The following MSL2 variants were observed in gnomAD, a reference collection of about 807,000 sequenced individuals.
MSL2 encodes MSL complex subunit 2.
In MSL2, 2 loss-of-function variants were observed where a neutral mutation model predicts 35.8. That is an observed-to-expected ratio of 0.06 (90% CI 0.02 to 0.18). The LOEUF is 0.18. Ranked by LOEUF, MSL2 falls within the 10% of genes least tolerant of loss-of-function variation. The pLI is 1.00. For synonymous variants in MSL2, 296 were observed against 255.7 expected, an observed-to-expected ratio of 1.16 and a Z score of -1.50; for missense variants, 523 against 706.7, an observed-to-expected ratio of 0.74 and a Z score of 2.95.
At position 136,175,290 on chromosome 3, in the gene MSL2, G is replaced by A. The variant is rs886503808; in HGVS notation, c.142+19682C>T. Among the ~76,000 whole-genome samples, 4 of 151,342 alleles carry A rather than the reference G, an allele frequency of 2.6e-5. 1 individual carries two copies. In the South Asian group the frequency reaches 8.3e-4, roughly 32 times the overall value. On this transcript the variant is annotated intron_variant, in intron 1 of 1. Coordinates refer to ENST00000309993, the MANE Select transcript of MSL2 (RefSeq NM_018133.4). ...ACCCAGGAGGCGGAGGTTGCAGTGAGCCGAGATCGCGCCACTGCACTCCAG... is the reference window on the plus strand; with the variant it reads ...ACCCAGGAGGCGGAGGTTGCAGTGAACCGAGATCGCGCCACTGCACTCCAG...
chr3:136,181,374 C>T (rs1162259471), intron 1 of MSL2, among the ~76,000 whole-genome samples: 1 of 152,076 alleles, frequency 6.6e-6, no homozygotes, highest in Non-Finnish European at 1.5e-5. Flanking sequence ...AAGGATTAAG[C>T]TGAATTATTA....
At chr3:136,169,673 C>T (rs976008205) in intron 1 of MSL2, among the ~76,000 whole-genome samples, 11 of 151,894 alleles carry the variant, frequency 7.2e-5, no homozygotes, top group Non-Finnish European at 1.3e-4. Flanking sequence ...TGGTCTTGAA[C>T]TCCTCCTGAC....
chr3:136,194,767 A>G lies in MSL2; in HGVS notation c.142+205T>C, dbSNP rs527966850. On this transcript the variant is annotated intron_variant, in intron 1 of 1. Coordinates refer to ENST00000309993, the MANE Select transcript of MSL2 (RefSeq NM_018133.4). ...CCATTTTGAACGTTAACGCCGCTGC[A>G]CAAAGCGGTATGAAAGGGTTCTCTG... 2.6e-5 allele frequency among the ~76,000 whole-genome samples: 4 copies of G among 152,172 alleles called. No individual in the cohort carries two copies. The East Asian group carries it at 7.7e-4, about 29-fold the overall frequency.
chr3:136,185,605 T>C (rs950491127), intron 1 of MSL2, among the ~76,000 whole-genome samples: 2 of 151,832 alleles, frequency 1.3e-5, no homozygotes, highest in Non-Finnish European at 2.9e-5. Flanking sequence ...GGTGCAATCT[T>C]GGCTCAATGC....
At chr3:136,166,283 G>A (rs1939849540) in intron 1 of MSL2, among the ~76,000 whole-genome samples, 2 of 151,894 alleles carry the variant, frequency 1.3e-5, no homozygotes, top group Non-Finnish European at 2.9e-5. Context: ...AGCTACTCAG[G>A]AGGCTGAGGC....
At chr3:136,171,260 T>A (rs1253541943) in intron 1 of MSL2, among the ~76,000 whole-genome samples, 1 of 152,138 alleles carries the variant, frequency 6.6e-6, no homozygotes, top group African/African-American at 2.4e-5. Context: ...TGCAGAAAAC[T>A]TATGAAGAGC....
chr3:136,156,918 CTGT>C (rs974498382), intron 1 of MSL2, among the ~76,000 whole-genome samples: 2 of 152,104 alleles, frequency 1.3e-5, no homozygotes, highest in African/African-American at 4.8e-5. Context: ...ATCCTTTTAA[CTGT>C]TGAAGAAGAG....
At chr3:136,174,778 AAAAC>A (rs1183505294) in intron 1 of MSL2, among the ~76,000 whole-genome samples, 1 of 152,208 alleles carries the variant, frequency 6.6e-6, no homozygotes, top group Non-Finnish European at 1.5e-5. Context: ...ATTCCAACAA[AAAAC>A]AAAGATCGGC....
chr3:136,169,014 G>C (rs1180543885), intron 1 of MSL2, among the ~76,000 whole-genome samples: 1 of 152,150 alleles, frequency 6.6e-6, no homozygotes, highest in Non-Finnish European at 1.5e-5. Context: ...TCACACGGCT[G>C]TGAGGCTCTT....
At chr3:136,180,827 A>G (rs1457415193) in intron 1 of MSL2, among the ~76,000 whole-genome samples, 1 of 141,404 alleles carries the variant, frequency 7.1e-6, no homozygotes, top group Non-Finnish European at 1.5e-5. Context: ...GGAAGGAAGG[A>G]AGGAAGGAAG....
chr3:136,194,851 G>T, intron 1 of MSL2, 121 bp downstream of exon 1: 1 of 1,460,414 alleles, frequency 6.8e-7, no homozygotes, highest in Non-Finnish European at 9.4e-7. Context: ...TGACCGTACA[G>T]CGCTGCACAA....
chr3:136,192,726 C>G (rs1940725686), intron 1 of MSL2, among the ~76,000 whole-genome samples: 1 of 152,124 alleles, frequency 6.6e-6, no homozygotes, highest in Non-Finnish European at 1.5e-5. Flanking sequence ...CGTGTTGAAA[C>G]AAATTCCCTA....
intron 1 of MSL2, among the ~76,000 whole-genome samples, chr3:136,182,051 C>A (rs1486855089): frequency 6.6e-6 from 1 of 151,942 alleles, no homozygotes; most frequent in African/African-American, 2.4e-5. Flanking sequence ...ACACTGAAGG[C>A]AAATTTCTCA....
At chr3:136,192,856 T>C (rs1940728653) in intron 1 of MSL2, among the ~76,000 whole-genome samples, 1 of 152,218 alleles carries the variant, frequency 6.6e-6, no homozygotes. Flanking sequence ...AAAAGTCTAG[T>C]ACATACCTGG....
rs761522685 is a variant in MSL2 at position 136,152,541 on chromosome 3, T to C, written c.340A>G (p.Thr114Ala). Residue 114 changes from threonine (T) to alanine (A), a missense_variant, in exon 2 of 2, where the codon ACA (threonine) becomes GCA (alanine). Physicochemically the swap from Thr to Ala is moderately conservative, Grantham distance 58 (BLOSUM62 0). Around this residue, in one of 5 missense-constraint regions of MSL2, gnomAD observed 361 missense variants for 414.6 expected, o/e 0.87. Transcript: ENST00000309993. Reference protein sequence around the residue: ...KKLCEYITQTTLARDIIEAVD... With the variant: ...KKLCEYITQTALARDIIEAVD... Reference sequence around the variant, plus strand: ...GCTTCTATTATATCCCGTGCCAGTGTAGTCTGTGTTATATACTCGCATAGT... The same window carrying C: ...GCTTCTATTATATCCCGTGCCAGTGCAGTCTGTGTTATATACTCGCATAGT... The C allele has an allele frequency of 6.2e-6, 10 of 1,614,090 alleles. No homozygotes were observed. In the African/African-American group the frequency reaches 6.7e-5, roughly 11 times the overall value.
At chr3:136,192,444 G>C (rs1289170722) in intron 1 of MSL2, among the ~76,000 whole-genome samples, 2 of 152,146 alleles carry the variant, frequency 1.3e-5, no homozygotes, top group African/African-American at 4.8e-5. Flanking sequence ...CTCCCAAAGT[G>C]CTGGGATTAC....
chr3:136,159,639 C>T (rs567388970), intron 1 of MSL2, among the ~76,000 whole-genome samples: 2 of 151,212 alleles, frequency 1.3e-5, no homozygotes, highest in African/African-American at 4.8e-5. Flanking sequence ...CAAAGTGCTG[C>T]GATTACAGGC....
intron 1 of MSL2, among the ~76,000 whole-genome samples, chr3:136,158,260 C>CAA (rs201050495): frequency 0.012 from 1,796 of 151,276 alleles, 21 homozygotes; most frequent in Middle Eastern, 0.031. Flanking sequence ...TGCGGTGAGC[C>CAA]GAGATCATGC....
At chr3:136,156,316 T>C (rs1162392314) in intron 1 of MSL2, among the ~76,000 whole-genome samples, 1 of 152,102 alleles carries the variant, frequency 6.6e-6, no homozygotes, top group Non-Finnish European at 1.5e-5. Context: ...GTAATGGAAG[T>C]CCGTCTGCAT....
Sources: allele counts gnomAD v4.1 joint callset (sites outside exome capture counted in the v4.1 genomes callset), GRCh38; gene constraint gnomAD v4.1.1; regional missense constraint gnomAD v4.1.1; transcripts MANE v1.5; gene names NCBI Gene and HGNC (gene_info 2026-07-23, HGNC 2026-07-21).